MYO6: variants seen among roughly 807,000 people sequenced by gnomAD.
The protein encoded by MYO6 is unconventional myosin-VI.
A neutral mutation model predicts 178.7 loss-of-function variants in MYO6; 74 were observed. The ratio of observed to expected loss-of-function variants is 0.41; its 90% CI spans 0.34 to 0.50. MYO6 has a LOEUF of 0.50. Ranked by LOEUF, MYO6 falls within the 20% of genes least tolerant of loss-of-function variation. MYO6 has a pLI of 0.09. For synonymous variants in MYO6, 477 were observed against 504.6 expected (o/e 0.95, Z 0.73); for missense variants, 1,330 against 1,547.4 (o/e 0.86, Z 2.36).
chr6:75,874,493 A>G (rs544733575), intron 20 of MYO6, among the ~76,000 whole-genome samples: 3 of 152,272 alleles, frequency 2.0e-5, no homozygotes, highest in Non-Finnish European at 2.9e-5. Flanking sequence ...CCTTAACTAA[A>G]TATCCTAAAG....
intron 31 of MYO6, 32 bp from the exon 32 acceptor site, chr6:75,908,464 A>AG: frequency 6.3e-7 from 1 of 1,593,114 alleles, no homozygotes. Context: ...TTAACATGTC[A>AG]ATTTTTTTTT....
At position 75,823,417 on chromosome 6, in the gene MYO6, G is replaced by A. The variant is rs181072291; in HGVS notation, c.187+566G>A. On this transcript the variant is annotated intron_variant, in intron 3 of 34. Transcript: ENST00000369977. ...TTTATTCTTACATTTTTAAGATTAA[G>A]CAGTAATCATTTCATATTGGGGGCA... 1.6e-4 allele frequency among the ~76,000 whole-genome samples: 25 copies of A among 152,206 alleles called. No individual in the cohort carries two copies. The East Asian group carries it at 4.4e-3, about 27-fold the overall frequency.
intron 3 of MYO6, 134 bp downstream of exon 3, chr6:75,822,985 T>C (rs545539158): frequency 2.5e-5 from 18 of 728,378 alleles, no homozygotes; most frequent in Non-Finnish European, 2.8e-5. Flanking sequence ...TGAATATTCA[T>C]GTGAATGAAG....
chr6:75,848,244 G>T, intron 10 of MYO6, 107 bp from the exon 11 acceptor site: 1 of 1,026,928 alleles, frequency 9.7e-7, no homozygotes. Flanking sequence ...CCCATTGACA[G>T]ATTTTATTTT....
intron 25 of MYO6, among the ~76,000 whole-genome samples, chr6:75,888,363 C>T (rs1354039191): frequency 1.3e-5 from 2 of 151,808 alleles, no homozygotes; most frequent in African/African-American, 4.8e-5. Context: ...ACCTGTAATC[C>T]CAGCACTTTG....
chr6:75,785,645 T>A (rs1386566366), intron 1 of MYO6, among the ~76,000 whole-genome samples: 1 of 151,670 alleles, frequency 6.6e-6, no homozygotes, highest in Non-Finnish European at 1.5e-5. Flanking sequence ...TGTTAATTTT[T>A]TTTTTTCCTA....
At chr6:75,884,751 G>A (rs149994114) in intron 23 of MYO6, among the ~76,000 whole-genome samples, 24 of 152,276 alleles carry the variant, frequency 1.6e-4, no homozygotes, top group African/African-American at 5.1e-4. Context: ...TCCTGTGTGG[G>A]AGCACAGAAC....
At chr6:75,868,120 A>G (rs997421986) in intron 18 of MYO6, among the ~76,000 whole-genome samples, 5 of 152,070 alleles carry the variant, frequency 3.3e-5, no homozygotes, top group African/African-American at 1.2e-4. Context: ...CCCCAAATTT[A>G]TTTTGGATTG....
chr6:75,861,157 C>CT (rs1776183335), intron 15 of MYO6, 62 bp downstream of exon 15: 1 of 1,277,586 alleles, frequency 7.8e-7, no homozygotes. Flanking sequence ...GTGTTTAGTG[C>CT]TTTTTCTGTG....
intron 16 of MYO6, among the ~76,000 whole-genome samples, chr6:75,863,888 G>A (rs1275332109): frequency 6.6e-6 from 1 of 152,110 alleles, no homozygotes; most frequent in African/African-American, 2.4e-5. Flanking sequence ...GATGTTTCCT[G>A]TGTTCACCTC....
intron 1 of MYO6, among the ~76,000 whole-genome samples, chr6:75,750,243 C>T (rs981860855): frequency 2.0e-5 from 3 of 152,010 alleles, no homozygotes; most frequent in African/African-American, 7.2e-5. Flanking sequence ...TACAAGCGCC[C>T]ACCACCACGC....
At chr6:75,889,814 A>G (rs1378929241) in intron 25 of MYO6, among the ~76,000 whole-genome samples, 1 of 152,248 alleles carries the variant, frequency 6.6e-6, no homozygotes, top group Non-Finnish European at 1.5e-5. Flanking sequence ...CATTTTTTGA[A>G]TAGTATTTAA....
chr6:75,782,963 G>A (rs1158978310), intron 1 of MYO6, among the ~76,000 whole-genome samples: 2 of 146,614 alleles, frequency 1.4e-5, no homozygotes, highest in African/African-American at 5.0e-5. Flanking sequence ...CACCCAGGCT[G>A]GAGTGCAGTG....
chr6:75,756,947 A>ATGTGTATATATGTATACACACTATATAG (rs1777429819), intron 1 of MYO6, among the ~76,000 whole-genome samples: 2 of 81,890 alleles, frequency 2.4e-5, no homozygotes, highest in African/African-American at 8.2e-5. Context: ...GTGTGTATAT[A>ATGTGTATATATGTATACACACTATATAG]TGTGTATATA....
intron 20 of MYO6, among the ~76,000 whole-genome samples, chr6:75,877,127 A>G (rs1213542692): frequency 1.3e-5 from 2 of 151,994 alleles, no homozygotes; most frequent in African/African-American, 4.8e-5. Context: ...ATAGGCATGC[A>G]CCACCATGCT....
At chr6:75,864,179 A>G (rs1219980110) in intron 16 of MYO6, among the ~76,000 whole-genome samples, 2 of 152,254 alleles carry the variant, frequency 1.3e-5, no homozygotes, top group Admixed American at 6.5e-5. Flanking sequence ...AACAAACTGT[A>G]TATTATTTTG....
intron 23 of MYO6, among the ~76,000 whole-genome samples, chr6:75,883,220 T>G (rs1412571703): frequency 6.8e-6 from 1 of 148,148 alleles, no homozygotes; most frequent in Non-Finnish European, 1.5e-5. Context: ...CAATTTAAGA[T>G]AGTGAAAATA....
At chr6:75,842,374 T>C (rs1774326172) in intron 9 of MYO6, among the ~76,000 whole-genome samples, 1 of 152,216 alleles carries the variant, frequency 6.6e-6, no homozygotes, top group Admixed American at 6.5e-5. Flanking sequence ...GAGTAAGGAA[T>C]GTCGTCTGTA....
rs2295937 is a variant in MYO6, at chr6:75,887,014, A to G, written c.2658+20A>G. 6 of 1,600,230 alleles carry G rather than the reference A, an allele frequency of 3.7e-6. No homozygotes were observed. Among genetic ancestry groups the G allele is most frequent in the African/African-American group, 1.3e-5 (1 of 74,888 alleles). On this transcript the variant is annotated intron_variant, in intron 25 of 34. Coordinates refer to ENST00000369977, the MANE Select transcript of MYO6 (RefSeq NM_004999.4). The stretch of plus-strand genomic sequence containing the variant: ...ATTAAGGTATGTAATTTCAACCCGA[A>G]TGACTTTGACTTTTTATGTAATTTA...
Sources: gnomAD v4.1 joint callset for allele counts (sites outside exome capture counted in the v4.1 genomes callset) on GRCh38, gnomAD v4.1.1 for gene constraint, MANE v1.5 for transcripts, NCBI Gene and HGNC (gene_info 2026-07-23, HGNC 2026-07-21) for gene names.